Variants in AMPH observed in about 807,000 individuals in gnomAD.
AMPH encodes the protein amphiphysin (Stiff-Mann syndrome with breast cancer 128kD autoantigen).
In AMPH, 49 loss-of-function variants were observed where a neutral mutation model predicts 99.1. That is an observed-to-expected ratio of 0.49 (90% CI 0.39 to 0.63). The LOEUF (loss-of-function observed/expected upper bound fraction) is 0.63. AMPH is among the 20% of genes least tolerant of loss of function. The pLI is 0.00. For missense variants in AMPH, 759 were observed against 863.4 expected (o/e 0.88, Z 1.52); for synonymous variants, 314 against 317.3 (o/e 0.99, Z 0.11).
chr7:38,537,285 T>C (rs1790647032), intron 1 of AMPH, among the ~76,000 whole-genome samples: 1 of 152,262 alleles, frequency 6.6e-6, no homozygotes, highest in East Asian at 1.9e-4. Context: ...AAGATAAAGA[T>C]ATTAATAGTG....
chr7:38,597,977 T>C (rs1253943168), intron 1 of AMPH, among the ~76,000 whole-genome samples: 1 of 152,238 alleles, frequency 6.6e-6, no homozygotes, highest in Admixed American at 6.5e-5. Context: ...CACATTAGTC[T>C]TCATCTTAGC....
At chr7:38,466,949 A>G (rs917207021) in intron 7 of AMPH, among the ~76,000 whole-genome samples, 9 of 152,212 alleles carry the variant, frequency 5.9e-5, no homozygotes, top group East Asian at 1.9e-4. Context: ...TTAAATTTCT[A>G]TACCTACAGT....
At chr7:38,393,931 A>G (rs1784590095) in intron 18 of AMPH, 74 bp downstream of exon 18, 2 of 1,463,972 alleles carry the variant, frequency 1.4e-6, no homozygotes, top group African/African-American at 1.4e-5. Flanking sequence ...AGTTATCACC[A>G]TGAACCAACC....
At chr7:38,613,004 C>A (rs780785438) in intron 1 of AMPH, among the ~76,000 whole-genome samples, 3 of 152,142 alleles carry the variant, frequency 2.0e-5, no homozygotes, top group African/African-American at 4.8e-5. Context: ...ATACTACATA[C>A]CGTGCCAGTA....
chr7:38,433,305 C>T (rs1329076434), intron 12 of AMPH, among the ~76,000 whole-genome samples: 2 of 152,222 alleles, frequency 1.3e-5, no homozygotes, highest in Admixed American at 6.5e-5. Flanking sequence ...TTAGCATTTT[C>T]TCGTAGGATG....
chr7:38,409,650 A>G (rs994739163), intron 17 of AMPH, among the ~76,000 whole-genome samples: 2 of 152,108 alleles, frequency 1.3e-5, no homozygotes, highest in South Asian at 2.1e-4. Flanking sequence ...ATCTTTTTCA[A>G]TCTGCTCTCC....
At chr7:38,624,827 G>T (rs1794190247) in intron 1 of AMPH, among the ~76,000 whole-genome samples, 1 of 151,836 alleles carries the variant, frequency 6.6e-6, no homozygotes, top group African/African-American at 2.4e-5. Context: ...AAAAAATTAT[G>T]AACATACAAG....
intron 17 of AMPH, among the ~76,000 whole-genome samples, chr7:38,402,607 T>C (rs1433259430): frequency 6.6e-6 from 1 of 152,206 alleles, no homozygotes; most frequent in Non-Finnish European, 1.5e-5. Flanking sequence ...CCTAAATATA[T>C]GTGTCAAAGG....
At chr7:38,525,277 T>TATATATATATATATATAGAG (rs1481528083) in intron 2 of AMPH, among the ~76,000 whole-genome samples, 38 of 86,636 alleles carry the variant, frequency 4.4e-4, no homozygotes, top group African/African-American at 1.6e-3. Context: ...TATATATATA[T>TATATATATATATATATAGAG]AGAGAGAGAG....
chr7:38,461,215 G>A (rs1787427663), intron 11 of AMPH, 68 bp downstream of exon 11: 2 of 1,585,706 alleles, frequency 1.3e-6, no homozygotes, highest in Admixed American at 3.4e-5. Flanking sequence ...TTTCTTTAGG[G>A]CTAGCCCCTG....
At chr7:38,426,748 T>C (rs1233381648) in intron 15 of AMPH, among the ~76,000 whole-genome samples, 1 of 152,230 alleles carries the variant, frequency 6.6e-6, no homozygotes, top group Admixed American at 6.5e-5. Flanking sequence ...AAACACTCTG[T>C]TGCATAGCTC....
intron 11 of AMPH, among the ~76,000 whole-genome samples, chr7:38,448,433 T>C (rs1456840815): frequency 1.3e-5 from 2 of 152,202 alleles, no homozygotes; most frequent in Non-Finnish European, 2.9e-5. Context: ...CTATACACAC[T>C]ATGTTTTTTC....
intron 1 of AMPH, among the ~76,000 whole-genome samples, chr7:38,606,622 G>A (rs1390538230): frequency 7.7e-6 from 1 of 130,266 alleles, no homozygotes; most frequent in Non-Finnish European, 1.5e-5. Flanking sequence ...GCCCAGGACA[G>A]AATGCAGTAG....
At chr7:38,441,270 C>G (rs1234344396) in intron 11 of AMPH, among the ~76,000 whole-genome samples, 1 of 152,146 alleles carries the variant, frequency 6.6e-6, no homozygotes, top group South Asian at 2.1e-4. Context: ...AGCACACACA[C>G]TTTTATAGGA....
Position 38,434,266 on chromosome 7 carries a change from T to C in AMPH, c.1134+2006A>G, listed in dbSNP as rs1419239072. Among the ~76,000 whole-genome samples, 3 of 152,206 alleles carry C rather than the reference T, an allele frequency of 2.0e-5. No homozygotes were observed. In the East Asian group the frequency reaches 5.8e-4, roughly 29 times the overall value. ...AAACCAAGGTCATTTTTGTTTAATT[T>C]TGAAGAATCTCTTAGTCATAAGGCC... On this transcript the variant is annotated intron_variant, in intron 12 of 20. Transcript: ENST00000356264.
intron 1 of AMPH, among the ~76,000 whole-genome samples, chr7:38,630,115 C>A (rs1368578359): frequency 6.6e-6 from 1 of 152,156 alleles, no homozygotes; most frequent in Non-Finnish European, 1.5e-5. Context: ...TCCTGAGCAA[C>A]ATGGCAAATC....
intron 1 of AMPH, among the ~76,000 whole-genome samples, chr7:38,570,607 A>G (rs930781080): frequency 1.3e-5 from 2 of 152,096 alleles, no homozygotes; most frequent in African/African-American, 4.8e-5. Context: ...TGCATATGCA[A>G]TTATGTACAG....
intron 1 of AMPH, among the ~76,000 whole-genome samples, chr7:38,565,514 T>C (rs1791706789): frequency 6.6e-6 from 1 of 152,244 alleles, no homozygotes; most frequent in Non-Finnish European, 1.5e-5. Flanking sequence ...TCATAGTTTC[T>C]GAGTAAAGTC....
chr7:38,429,945 T>C, intron 13 of AMPH, 80 bp from the exon 14 acceptor site: 1 of 1,322,652 alleles, frequency 7.6e-7, no homozygotes, highest in Non-Finnish European at 1.0e-6. Context: ...CTGTCTAGAG[T>C]CAACATTCTG....
Sources: gnomAD v4.1 joint callset for allele counts (sites outside exome capture counted in the v4.1 genomes callset) on GRCh38, gnomAD v4.1.1 for gene constraint, MANE v1.5 for transcripts, NCBI Gene and HGNC (gene_info 2026-07-23, HGNC 2026-07-21) for gene names.